P3H1: variants seen among roughly 807,000 people sequenced by gnomAD.
P3H1 encodes the protein prolyl 3-hydroxylase 1.
P3H1 carries 69 observed loss-of-function variants against 84.0 expected under a neutral mutation model. The observed-to-expected ratio is 0.82, with a 90% CI of 0.68 to 1.00. The LOEUF (loss-of-function observed/expected upper bound fraction) is 1.00. Among genes scored for constraint, P3H1 ranks in the 50% least tolerant of loss-of-function variants. The pLI, the probability that P3H1 is intolerant of heterozygous loss-of-function variation, is 0.00. For synonymous variants in P3H1, 366 were observed against 388.8 expected, an observed-to-expected ratio of 0.94 and a Z score of 0.69; for missense variants, 878 against 962.8, an observed-to-expected ratio of 0.91 and a Z score of 1.17.
intron 4 of P3H1, among the ~76,000 whole-genome samples, chr1:42,758,356 T>C (rs571045258): frequency 5.3e-5 from 8 of 152,244 alleles, no homozygotes; most frequent in East Asian, 3.8e-4. Context: ...TTTGGCAAAA[T>C]AGTTCTTGTT....
intron 2 of P3H1, chr1:42,761,655 G>A (rs1442318025): frequency 6.6e-6 from 1 of 152,392 alleles, no homozygotes; most frequent in African/African-American, 2.4e-5. Flanking sequence ...GGAGCCCAAG[G>A]CAGTAGGATC....
At chr1:42,753,845 G>C (rs1188814511) in intron 8 of P3H1, among the ~76,000 whole-genome samples, 1 of 151,840 alleles carries the variant, frequency 6.6e-6, no homozygotes, top group Non-Finnish European at 1.5e-5. Context: ...ATTCCTTGAT[G>C]ATCCCGGGAT....
At chr1:42,747,683 AC>A in intron 13 of P3H1, 39 bp downstream of exon 13, 1 of 1,606,466 alleles carries the variant, frequency 6.2e-7, no homozygotes, top group South Asian at 1.1e-5. Context: ...TAGAAAACAG[AC>A]TTTTTATCTC....
intron 2 of P3H1, chr1:42,762,053 A>G (rs1278642035): frequency 2.6e-6 from 1 of 386,002 alleles, no homozygotes; most frequent in Admixed American, 4.2e-5. Context: ...CTACATTTCT[A>G]CAATGTTATA....
At chr1:42,761,885 C>CA (rs1211345381) in intron 2 of P3H1, 14 of 206,688 alleles carry the variant, frequency 6.8e-5, no homozygotes, top group Non-Finnish European at 1.1e-4. Flanking sequence ...GACCCTGCCT[C>CA]AAAAAAAATA....
Position 42,752,633 on chromosome 1 carries a change from G to A in P3H1, c.1377C>T (p.Leu459=), listed in dbSNP as rs1474033455. ...CATTCAGGAGTTTGGAGTTCATGGT[G>A]AGACTGATGCCTTCATACAGCAGGG... The part of the protein sequence containing the change: ...GGPLLYEGIS[L]TMNSKLLNGS... The change falls in exon 9 of 15, where the codon CTC becomes CTT. Residue 459 remains leucine (L), a synonymous_variant. Coordinates refer to ENST00000296388, the MANE Select transcript of P3H1 (RefSeq NM_022356.4). 2 of 1,614,178 alleles carry A rather than the reference G, an allele frequency of 1.2e-6. No individual in the cohort carries two copies. Among genetic ancestry groups the A allele is most frequent in the Admixed American group, 3.3e-5 (2 of 60,026 alleles).
chr1:42,760,638 C>G (rs751679794), intron 2 of P3H1: 3 of 152,242 alleles, frequency 2.0e-5, no homozygotes, highest in Admixed American at 1.3e-4. Flanking sequence ...TGAGCCACCA[C>G]GCCCGGCCAA....
intron 5 of P3H1, among the ~76,000 whole-genome samples, chr1:42,756,985 C>T (rs543550673): frequency 1.3e-5 from 2 of 152,314 alleles, no homozygotes; most frequent in South Asian, 2.1e-4. Flanking sequence ...ATGTTAGTTG[C>T]CTTCTTTCCA....
rs965902784 is a variant in P3H1, at chr1:42,754,602, C to T, written c.1345+267G>A. Among the ~76,000 whole-genome samples, 8 of 152,132 alleles carry T rather than the reference C, an allele frequency of 5.3e-5. No individual in the cohort carries two copies. The highest frequency in any genetic ancestry group is 8.8e-5 in the Non-Finnish European group (6 of 68,028). ...TCCTGGGCTCAAGCGATCCTCCTGC[C>T]TCAGCCTGCCAAGTAGCTGGGATTA... On this transcript the variant is annotated intron_variant, in intron 8 of 14. Transcript: ENST00000296388. The surrounding 1 kb of genome is among the most constrained non-coding windows in gnomAD (Gnocchi z 4.0).
chr1:42,752,211 G>C, intron 10 of P3H1, 63 bp downstream of exon 10: 2 of 1,381,776 alleles, frequency 1.4e-6, no homozygotes, highest in South Asian at 2.3e-5. Context: ...CTTCCTCAAA[G>C]CCTGAGCTTC....
At position 42,754,920 on chromosome 1, in the gene P3H1, C is replaced by T; in HGVS notation, c.1294G>A (p.Val432Met). 1 of 1,614,212 alleles carries T rather than the reference C, an allele frequency of 6.2e-7. No individual in the cohort carries two copies. The highest frequency in any genetic ancestry group is 8.5e-7 in the Non-Finnish European group (1 of 1,180,042). Residue 432 changes from valine to methionine, a missense_variant, in exon 8 of 15, where the codon GTG becomes ATG. Val to Met is a conservative substitution (Grantham distance 21). Transcript: ENST00000296388. The surrounding 1 kb of genome is among the most constrained non-coding windows in gnomAD (Gnocchi z 4.0). ...GNLMKEIETL[V>M]EEKTKESLDV... ...AGTGACTCCTTGGTCTTCTCTTCCA[C>T]AAGGGTCTCGATTTCCTTCATAAGG...
At chr1:42,751,792 CGTCTTT>C (rs1379053504) in intron 10 of P3H1, 1 of 199,808 alleles carries the variant, frequency 5.0e-6, no homozygotes, top group Non-Finnish European at 1.1e-5. Flanking sequence ...GTCTCGGGTA[CGTCTTT>C]ATCAGCAGTG....
At chr1:42,749,243 T>C (rs1392287975) in intron 11 of P3H1, among the ~76,000 whole-genome samples, 2 of 152,254 alleles carry the variant, frequency 1.3e-5, no homozygotes, top group Admixed American at 6.5e-5. Flanking sequence ...GTTGTGTGTC[T>C]GACTGGTCCC....
chr1:42,757,092 G>T (rs1033867951), intron 5 of P3H1, among the ~76,000 whole-genome samples: 1 of 152,170 alleles, frequency 6.6e-6, no homozygotes, highest in Non-Finnish European at 1.5e-5. Flanking sequence ...GGAAGGCAGG[G>T]AAAAGGTATT....
At chr1:42,747,145 C>T in intron 14 of P3H1, 127 bp downstream of exon 14, 4 of 1,614,162 alleles carry the variant, frequency 2.5e-6, no homozygotes, top group East Asian at 2.2e-5. Flanking sequence ...GAGCTGGTGT[C>T]CCAAGTGCTC....
rs758131023 is a variant in P3H1 at position 42,750,200 on chromosome 1, C to G, written c.1706G>C (p.Arg569Pro). The G allele has an allele frequency of 6.2e-7, 1 of 1,612,592 alleles. No homozygotes were observed. Among genetic ancestry groups the G allele is most frequent in the African/African-American group, 1.3e-5 (1 of 74,946 alleles). ...ATGAGGCCCACCTTCGATGGCAGTG[C>G]GGCACACCAGATGAGAGTAGGAAAA... ...LYFSYSHLVC[R>P]TAIEEVQAER... Residue 569 changes from arginine to proline, a missense_variant, in exon 11 of 15, where the codon CGC becomes CCC. Physicochemically the swap from Arg to Pro is moderately radical, Grantham distance 103 (BLOSUM62 -2). Transcript: ENST00000296388.
rs1490385120 is a variant in P3H1 at position 42,746,719 on chromosome 1, G to A, written c.2189C>T (p.Ser730Leu). 9.0e-6 allele frequency: 14 copies of A among 1,551,734 alleles called. No homozygotes were observed. Among genetic ancestry groups the A allele is most frequent in the Non-Finnish European group, 1.0e-5 (12 of 1,147,078 alleles). Residue 730 changes from serine (S) to leucine (L), a missense_variant, in exon 15 of 15, where the codon TCG becomes TTG. Coordinates refer to ENST00000296388, the MANE Select transcript of P3H1 (RefSeq NM_022356.4). ...CTGTCATAGCTCATCCTTGGGCTTC[G>A]ATTCACTGCCTGAGAGAGACTCTTG... ...PAQESLSGSESKPKDEL is the reference protein window; with the variant it reads ...PAQESLSGSELKPKDEL
intron 10 of P3H1, among the ~76,000 whole-genome samples, chr1:42,750,819 G>A (rs1284212556): frequency 2.0e-5 from 3 of 148,024 alleles, no homozygotes; most frequent in Non-Finnish European, 3.0e-5. Context: ...GAGGGAGGTG[G>A]GGGGGTCAGC....
chr1:42,749,845 C>T (rs2124091292), intron 11 of P3H1: 2 of 314,288 alleles, frequency 6.4e-6, no homozygotes, highest in South Asian at 3.8e-5. Flanking sequence ...GAGGGAGCTG[C>T]TCAGCTATGT....
Sources: gnomAD v4.1 joint callset for allele counts (sites outside exome capture counted in the v4.1 genomes callset) on GRCh38, gnomAD v4.1.1 for gene constraint, Gnocchi (gnomAD v3.1) non-coding constraint, MANE v1.5 for transcripts, NCBI Gene and HGNC (gene_info 2026-07-23, HGNC 2026-07-21) for gene names.